The following PCDHA13 variants were observed in gnomAD, a reference collection of about 807,000 sequenced individuals.
PCDHA13 encodes the protein protocadherin alpha-13.
PCDHA13 carries 54 observed loss-of-function variants against 64.8 expected under a neutral mutation model. The ratio of observed to expected loss-of-function variants is 0.83; its 90% CI spans 0.67 to 1.04. The LOEUF is 1.04. Ranked by LOEUF, PCDHA13 falls within the 50% of genes least tolerant of loss-of-function variation. The pLI, the probability that PCDHA13 is intolerant of heterozygous loss-of-function variation, is 0.00. For synonymous variants in PCDHA13, 587 were observed against 564.4 expected, an observed-to-expected ratio of 1.04 and a Z score of -0.57; for missense variants, 1,248 against 1,254.3, an observed-to-expected ratio of 0.99 and a Z score of 0.08.
chr5:140,967,610 T>A, intron 1 of PCDHA13: 1 of 1,614,108 alleles, frequency 6.2e-7, no homozygotes, highest in Non-Finnish European at 8.5e-7. Context: ...GCTGAATGCC[T>A]CAGACCCGGA....
At chr5:140,944,995 T>A (rs246062) in intron 1 of PCDHA13, among the ~76,000 whole-genome samples, 85,717 of 151,900 alleles carry the variant, frequency 0.56, 24,795 homozygotes, top group African/African-American at 0.69. Flanking sequence ...TCTGTAACGG[T>A]TGTGGGTCAT....
rs150463901 is a variant in PCDHA13, at chr5:140,882,560, C to A, written c.292C>A (p.Arg98=). 1.3e-3 allele frequency: 2,163 copies of A among 1,614,168 alleles called. 36 individuals carry two copies. Among genetic ancestry groups the A allele is most frequent in the Admixed American group, 1.6e-3 (95 of 60,010 alleles). ...SRIDREELCG[R]SAECSIHLEV... is the part of the protein sequence containing the mutation. ...GATCGACCGCGAGGAGCTGTGTGGG[C>A]GGAGCGCGGAGTGCAGCATCCACCT... The change falls in exon 1 of 4, where the codon CGG becomes AGG. Residue 98 remains arginine (R), a synonymous_variant. Coordinates refer to ENST00000289272, the MANE Select transcript of PCDHA13 (RefSeq NM_018904.3).
At chr5:140,993,795 C>T (rs1301191394) in intron 3 of PCDHA13, among the ~76,000 whole-genome samples, 2 of 152,128 alleles carry the variant, frequency 1.3e-5, no homozygotes, top group African/African-American at 2.4e-5. Flanking sequence ...ACATGCTGTG[C>T]AGGTTTGTAG....
intron 3 of PCDHA13, among the ~76,000 whole-genome samples, chr5:140,993,652 T>C (rs1174007185): frequency 6.6e-6 from 1 of 152,172 alleles, no homozygotes; most frequent in Admixed American, 6.5e-5. Flanking sequence ...AATGACACTT[T>C]GGTTAACAAT....
At chr5:140,993,509 CGGGGAGAG>C (rs2097568152) in intron 3 of PCDHA13, among the ~76,000 whole-genome samples, 1 of 143,490 alleles carries the variant, frequency 7.0e-6, no homozygotes, top group Non-Finnish European at 1.5e-5. Flanking sequence ...CACACACACA[CGGGGAGAG>C]AGAGACAGAG....
chr5:140,997,384 A>T (rs2097769179), intron 3 of PCDHA13, among the ~76,000 whole-genome samples: 1 of 152,198 alleles, frequency 6.6e-6, no homozygotes, highest in South Asian at 2.1e-4. Context: ...AGCATACTAC[A>T]CACTTAGGCT....
intron 1 of PCDHA13, among the ~76,000 whole-genome samples, chr5:140,901,330 C>T (rs576918477): frequency 6.6e-6 from 1 of 152,108 alleles, no homozygotes; most frequent in African/African-American, 2.4e-5. Flanking sequence ...TTCTTGTAGT[C>T]GTTTTATAGT....
At chr5:140,977,140 G>A (rs2096748068) in intron 1 of PCDHA13, among the ~76,000 whole-genome samples, 1 of 152,202 alleles carries the variant, frequency 6.6e-6, no homozygotes, top group Non-Finnish European at 1.5e-5. Context: ...GGTCAGTCCT[G>A]CTGGAACTGT....
At chr5:140,911,312 T>C (rs2075424091) in intron 1 of PCDHA13, among the ~76,000 whole-genome samples, 1 of 152,154 alleles carries the variant, frequency 6.6e-6, no homozygotes, top group African/African-American at 2.4e-5. Context: ...CCATTCCAAG[T>C]TTCAGGATCC....
chr5:140,925,806 C>A (rs2082736423), intron 1 of PCDHA13, among the ~76,000 whole-genome samples: 1 of 152,148 alleles, frequency 6.6e-6, no homozygotes, highest in South Asian at 2.1e-4. Flanking sequence ...TTCCCCTCCA[C>A]TTCTCACGTC....
At chr5:140,917,598 G>A (rs2078274580) in intron 1 of PCDHA13, among the ~76,000 whole-genome samples, 1 of 152,174 alleles carries the variant, frequency 6.6e-6, no homozygotes, top group Non-Finnish European at 1.5e-5. Flanking sequence ...TGAAAGGAAG[G>A]GGTCCAGTTT....
At chr5:140,899,201 G>T (rs1400966236) in intron 1 of PCDHA13, among the ~76,000 whole-genome samples, 5 of 151,818 alleles carry the variant, frequency 3.3e-5, no homozygotes, top group Admixed American at 6.6e-5. Context: ...CTGCCTAATT[G>T]CCCTGGCCAG....
chr5:140,901,020 C>G (rs528406801), intron 1 of PCDHA13, among the ~76,000 whole-genome samples: 2 of 152,262 alleles, frequency 1.3e-5, no homozygotes, highest in African/African-American at 4.8e-5. Flanking sequence ...TGAGAAACAT[C>G]TATTCAACTC....
intron 1 of PCDHA13, among the ~76,000 whole-genome samples, chr5:140,912,652 G>C (rs555103404): frequency 1.4e-4 from 21 of 152,250 alleles, no homozygotes; most frequent in African/African-American, 5.1e-4. Context: ...TTGAATAGAA[G>C]TGGTGAAAAT....
At chr5:140,967,373 A>C in intron 1 of PCDHA13, 1 of 1,607,416 alleles carries the variant, frequency 6.2e-7, no homozygotes, top group Non-Finnish European at 8.5e-7. Flanking sequence ...CCTGCAGGAG[A>C]ACAGTAAAGT....
intron 2 of PCDHA13, 103 bp downstream of exon 2, chr5:140,979,110 C>G (rs1223081047): frequency 4.6e-5 from 69 of 1,515,610 alleles, no homozygotes; most frequent in Non-Finnish European, 5.9e-5. Flanking sequence ...AACTAAAAAG[C>G]TTTAGGTACT....
chr5:140,988,560 T>C (rs1184536302), intron 3 of PCDHA13, among the ~76,000 whole-genome samples: 3 of 152,138 alleles, frequency 2.0e-5, no homozygotes, highest in Admixed American at 2.0e-4. Context: ...CATCTTCTTC[T>C]TGGGAAAACA....
intron 3 of PCDHA13, among the ~76,000 whole-genome samples, chr5:140,984,004 A>G (rs1039333145): frequency 6.6e-6 from 1 of 152,196 alleles, no homozygotes; most frequent in Admixed American, 6.5e-5. Context: ...TTAGAGAGCT[A>G]ATATTGCCAG....
chr5:140,946,611 A>AATATATAGATATATATATATAT (rs2093974557), intron 1 of PCDHA13, among the ~76,000 whole-genome samples: 1 of 86,814 alleles, frequency 1.2e-5, no homozygotes, highest in Non-Finnish European at 2.1e-5. Context: ...GAAAATGTGA[A>AATATATAGATATATATATATAT]ATATATATAT....
Sources: gnomAD v4.1 joint callset for allele counts (sites outside exome capture counted in the v4.1 genomes callset) on GRCh38, gnomAD v4.1.1 for gene constraint, MANE v1.5 for transcripts, NCBI Gene and HGNC (gene_info 2026-07-23, HGNC 2026-07-21) for gene names.